NFASC: variants seen among roughly 807,000 people sequenced by gnomAD.
NFASC encodes the protein neurofascin homolog.
NFASC carries 43 observed loss-of-function variants against 147.5 expected under a neutral mutation model. That is an observed-to-expected ratio of 0.29 (90% CI 0.23 to 0.38). The LOEUF is 0.38. NFASC is among the 10% of genes least tolerant of loss of function. The pLI, the probability that NFASC is intolerant of heterozygous loss-of-function variation, is 1.00. For synonymous variants in NFASC, 622 were observed against 665.5 expected, an observed-to-expected ratio of 0.93 and a Z score of 1.01; for missense variants, 1,320 against 1,689.0, an observed-to-expected ratio of 0.78 and a Z score of 3.83.
rs932761366 is a variant in NFASC, at chr1:205,018,915, T to C, written c.*2376T>C. 6.6e-6 allele frequency: 1 copy of C among 152,194 alleles called. No homozygotes were observed. The highest frequency in any genetic ancestry group is 1.5e-5 in the Non-Finnish European group (1 of 68,068). 9.4% of individuals were successfully genotyped at this position (152,194 alleles called of 1,614,324 possible). A position where few individuals can be genotyped will look rare whatever the true frequency, so the allele number is the denominator to read the frequency against. On this transcript the variant is annotated 3_prime_UTR_variant, in exon 30 of 30. Transcript: ENST00000339876. ...CTCTCGTAAGGGTCTTGGGGAGAAG[T>C]AAGCCCGCAGCCTGCCTCTGCACCT...
At chr1:204,958,438 T>C (rs966222861) in intron 8 of NFASC, among the ~76,000 whole-genome samples, 1 of 152,238 alleles carries the variant, frequency 6.6e-6, no homozygotes. Context: ...TATTCCCTGA[T>C]TCTGTTTGGC....
intron 3 of NFASC, chr1:204,946,437 C>T (rs768389530): frequency 4.1e-5 from 18 of 436,184 alleles, no homozygotes; most frequent in Non-Finnish European, 8.1e-5. Flanking sequence ...ATTCCAGATG[C>T]TCTGGCTGTG....
At chr1:205,000,164 G>A (rs746651098) in intron 25 of NFASC, 8 of 152,056 alleles carry the variant, frequency 5.3e-5, no homozygotes, top group Admixed American at 2.6e-4. Context: ...GTGCTGAGAC[G>A]CCAACAGAAC....
Position 204,954,794 on chromosome 1 carries a change from C to G in NFASC, c.413-35C>G. The G allele has an allele frequency of 6.2e-7, 1 of 1,611,372 alleles. No homozygotes were observed. The highest frequency in any genetic ancestry group is 8.5e-7 in the Non-Finnish European group (1 of 1,177,952). On this transcript the variant is annotated intron_variant, in intron 6 of 29. Coordinates refer to ENST00000339876, the MANE Select transcript of NFASC (RefSeq NM_001005388.3). The surrounding 1 kb of genome is among the most constrained non-coding windows in gnomAD (Gnocchi z 5.7). ...CTCCTTGCCCCGGGCCCAGCCATCA[C>G]CCTCACTTTATCCTCTTTGTCCACT...
chr1:204,848,672 C>T (rs1448113851), intron 1 of NFASC, among the ~76,000 whole-genome samples: 1 of 152,114 alleles, frequency 6.6e-6, no homozygotes, highest in African/African-American at 2.4e-5. Flanking sequence ...GAATAGCAAC[C>T]GTTAATATTT....
intron 2 of NFASC, among the ~76,000 whole-genome samples, chr1:204,922,635 C>T (rs1020188733): frequency 6.6e-6 from 1 of 152,140 alleles, no homozygotes; most frequent in Admixed American, 6.5e-5. Flanking sequence ...AGAGCCCCTC[C>T]TAGGCTTGGA....
chr1:204,972,507 G>A (rs1211258138), intron 11 of NFASC, among the ~76,000 whole-genome samples: 1 of 152,192 alleles, frequency 6.6e-6, no homozygotes, highest in Non-Finnish European at 1.5e-5. Context: ...AGAGTGAAGT[G>A]TGGACCCCCA....
intron 1 of NFASC, among the ~76,000 whole-genome samples, chr1:204,829,603 T>C (rs887000153): frequency 6.6e-6 from 1 of 152,090 alleles, no homozygotes; most frequent in African/African-American, 2.4e-5. Flanking sequence ...TCTCTTATGT[T>C]CCTCTCCAGC....
chr1:204,891,928 A>G (rs1408405559), intron 1 of NFASC, among the ~76,000 whole-genome samples: 1 of 152,192 alleles, frequency 6.6e-6, no homozygotes, highest in African/African-American at 2.4e-5. Flanking sequence ...GAGGAAACCT[A>G]GTACCATAAT....
In NFASC at chr1:204,828,716, G is replaced by T; in HGVS notation, c.-266G>T. 1.0e-6 allele frequency: 1 copy of T among 985,674 alleles called. No individual in the cohort carries two copies. The highest frequency in any genetic ancestry group is 1.7e-5 in the African/African-American group (1 of 57,350). The allele number at this position is 985,674 out of a possible 1,614,324, so 61.1% of individuals were successfully genotyped here. A position where few individuals can be genotyped will look rare whatever the true frequency, so the allele number is the denominator to read the frequency against. The stretch of plus-strand genomic sequence containing the variant: ...GCGAGAGGCGCTGCAGGGGACGCGG[G>T]GGAAGTGGCGGCGCCGGCAGCGGAC... On this transcript the variant is annotated 5_prime_UTR_variant, in exon 1 of 30. Transcript: ENST00000339876.
intron 22 of NFASC, 144 bp from the exon 23 acceptor site, chr1:204,988,489 A>G (rs2095659939): frequency 1.4e-6 from 1 of 727,706 alleles, no homozygotes; most frequent in African/African-American, 1.8e-5. Flanking sequence ...CTGCCTTTGA[A>G]CCAAGCCTTT....
At position 204,965,420 on chromosome 1, in the gene NFASC, A is replaced by G. The variant is rs142646691; in HGVS notation, c.707-2829A>G. 6.8e-3 allele frequency among the ~76,000 whole-genome samples: 1,033 copies of G among 152,270 alleles called. 39 individuals carry two copies. Among genetic ancestry groups the G allele is most frequent in the Admixed American group, 0.062 (954 of 15,286 alleles). On this transcript the variant is annotated intron_variant, in intron 8 of 29. Coordinates refer to ENST00000339876, the MANE Select transcript of NFASC (RefSeq NM_001005388.3). ...TTTCATATGAGTTCCTCCTGCTGCA[A>G]TTGACTGCATTTCTTCATAACCTTT...
rs1339577949 is a variant in NFASC at position 204,968,254 on chromosome 1, G to A, written c.712G>A (p.Gly238Arg). The A allele has an allele frequency of 1.9e-6, 3 of 1,613,330 alleles. No homozygotes were observed. Among genetic ancestry groups the A allele is most frequent in the Non-Finnish European group, 2.5e-6 (3 of 1,179,368 alleles). The part of the protein sequence containing the change: ...PFTLKVLTTR[G>R]VAERTPSFMY... The stretch of plus-strand genomic sequence containing the variant: ...TTTGTTCTCTCCTGTTTCAGCCCGA[G>A]GAGTTGCAGAAAGAACACCAAGCTT... Residue 238 changes from glycine (G) to arginine (R), a missense_variant, in exon 9 of 30, where the codon GGA becomes AGA. Physicochemically the swap from Gly to Arg is moderately radical, Grantham distance 125. Around this residue, in one of 3 missense-constraint regions of NFASC, gnomAD observed 981 missense variants for 1,289.5 expected, o/e 0.76. Transcript: ENST00000339876. This position sits in a 1 kb window ranked among gnomAD's most constrained non-coding sequence, Gnocchi z 5.4.
At chr1:205,012,280 C>T (rs1488465465) in intron 28 of NFASC, among the ~76,000 whole-genome samples, 2 of 152,228 alleles carry the variant, frequency 1.3e-5, no homozygotes, top group Non-Finnish European at 2.9e-5. Flanking sequence ...AGAGAAGAGA[C>T]ACTTTCCATC....
intron 23 of NFASC, among the ~76,000 whole-genome samples, chr1:204,990,902 C>G (rs2095716765): frequency 6.6e-6 from 1 of 152,244 alleles, no homozygotes; most frequent in South Asian, 2.1e-4. Flanking sequence ...CCAGCCTGCT[C>G]AAAGGTCATG....
In NFASC at chr1:205,016,621, G is replaced by A. The variant is rs541890830; in HGVS notation, c.*82G>A. On this transcript the variant is annotated 3_prime_UTR_variant, in exon 30 of 30. Coordinates refer to ENST00000339876, the MANE Select transcript of NFASC (RefSeq NM_001005388.3). The surrounding 1 kb of genome is among the most constrained non-coding windows in gnomAD (Gnocchi z 5.1). ...GACAAAACCACTGCAGACCTACCACGAAGCCACCACCACCTTCAGTAACAA... is the reference window on the plus strand; with the variant it reads ...GACAAAACCACTGCAGACCTACCACAAAGCCACCACCACCTTCAGTAACAA... 1.9e-4 allele frequency: 187 copies of A among 960,828 alleles called. No homozygotes were observed. Among genetic ancestry groups the A allele is most frequent in the Admixed American group, 3.0e-4 (16 of 53,732 alleles). 59.5% of individuals were successfully genotyped at this position (960,828 alleles called of 1,614,324 possible). A position where few individuals can be genotyped will look rare whatever the true frequency, so the allele number is the denominator to read the frequency against.
intron 5 of NFASC, among the ~76,000 whole-genome samples, chr1:204,952,337 A>G (rs972832893): frequency 6.6e-6 from 1 of 152,232 alleles, no homozygotes; most frequent in Non-Finnish European, 1.5e-5. Context: ...ACCAAAAGCC[A>G]GGACTGGATG....
At chr1:204,891,816 A>G (rs565992596) in intron 1 of NFASC, among the ~76,000 whole-genome samples, 1 of 152,292 alleles carries the variant, frequency 6.6e-6, no homozygotes, top group South Asian at 2.1e-4. Context: ...AGTCCAGAGG[A>G]AGGACACAGA....
chr1:204,851,355 C>A (rs564581461), intron 1 of NFASC, among the ~76,000 whole-genome samples: 2 of 144,420 alleles, frequency 1.4e-5, no homozygotes, highest in Non-Finnish European at 3.0e-5. Flanking sequence ...TTTTTTGAGA[C>A]GGAGTCTCAC....
Sources: allele counts gnomAD v4.1 joint callset (sites outside exome capture counted in the v4.1 genomes callset), GRCh38; gene constraint gnomAD v4.1.1; regional missense constraint gnomAD v4.1.1; non-coding constraint Gnocchi (gnomAD v3.1); transcripts MANE v1.5; gene names NCBI Gene and HGNC (gene_info 2026-07-23, HGNC 2026-07-21).